The following RAB37 variants were observed in gnomAD, a reference collection of about 807,000 sequenced individuals.
The protein encoded by RAB37 is RAB37, member RAS oncogene family.
Under a neutral mutation model 33.1 loss-of-function variants are expected in RAB37, and 29 were observed. The observed-to-expected ratio is 0.88, with a 90% CI of 0.65 to 1.20. The LOEUF is 1.20. RAB37 is among the 50% of genes most tolerant of loss of function. RAB37 has a pLI of 0.00. For synonymous variants in RAB37, 128 were observed against 119.5 expected (o/e 1.07, Z -0.47); for missense variants, 299 against 301.1 (o/e 0.99, Z 0.05).
Position 74,745,457 on chromosome 17 carries a change from C to A in RAB37, c.*46C>A. ...GGCTCTGGAGGCACACAGGATGCAGCCTTCCCCCTCCCAGGCCTGGCTTAT... is the reference window on the plus strand; with the variant it reads ...GGCTCTGGAGGCACACAGGATGCAGACTTCCCCCTCCCAGGCCTGGCTTAT... On this transcript the variant is annotated 3_prime_UTR_variant, in exon 9 of 9. Transcript: ENST00000392613. This position sits in a 1 kb window ranked among gnomAD's most constrained non-coding sequence, Gnocchi z 4.5. 6.8e-7 allele frequency: 1 copy of A among 1,477,592 alleles called. No homozygotes were observed. The highest frequency in any genetic ancestry group is 9.5e-7 in the Non-Finnish European group (1 of 1,056,720). 91.5% of individuals were successfully genotyped at this position (1,477,592 alleles called of 1,614,324 possible).
At chr17:74,736,718 A>G (rs1390152889), upstream of RAB37, 28 of 1,535,632 alleles carry the variant, frequency 1.8e-5, no homozygotes, top group Non-Finnish European at 2.4e-5. Context: ...ACCGCAGCGT[A>G]CATGTGCTGC....
chr17:74,695,440 C>A (rs867882349), intron 1 of RAB37, among the ~76,000 whole-genome samples: 2 of 152,170 alleles, frequency 1.3e-5, no homozygotes, highest in Non-Finnish European at 2.9e-5. Flanking sequence ...GATTCTCCCC[C>A]AACCCTGCAC....
In RAB37 at chr17:74,744,914, A is replaced by G; in HGVS notation, c.474A>G (p.Gly158=). 6.2e-7 allele frequency: 1 copy of G among 1,614,274 alleles called. No homozygotes were observed. The highest frequency in any genetic ancestry group is 8.5e-7 in the Non-Finnish European group (1 of 1,180,050). ...SSERVIRSED[G]ETLAREYGVP... Reference sequence around the variant, plus strand: ...AAAGAGTGATCCGTTCCGAAGACGGAGAGACCTTGGCCAGGGTAAGTGATT... The same window carrying G: ...AAAGAGTGATCCGTTCCGAAGACGGGGAGACCTTGGCCAGGGTAAGTGATT... The change falls in exon 7 of 9, where the codon GGA becomes GGG. Residue 158 remains glycine, a synonymous_variant. Coordinates refer to ENST00000392613, the MANE Select transcript of RAB37 (RefSeq NM_001006638.3). The surrounding 1 kb of genome is among the most constrained non-coding windows in gnomAD (Gnocchi z 4.2).
At chr17:74,708,687 C>T (rs1201688172) in intron 1 of RAB37, among the ~76,000 whole-genome samples, 4 of 152,126 alleles carry the variant, frequency 2.6e-5, no homozygotes, top group Non-Finnish European at 5.9e-5. Context: ...GAGGCCAAGG[C>T]GGGCGGATCA....
At chr17:74,737,114 C>G (rs558750564), upstream of RAB37, 729 of 1,599,428 alleles carry the variant, frequency 4.6e-4, 5 homozygotes, top group East Asian at 0.014. Context: ...CAGGGAACAG[C>G]AAGGTCCGAG....
chr17:74,708,642 C>G (rs1035319771), intron 1 of RAB37, among the ~76,000 whole-genome samples: 10 of 152,210 alleles, frequency 6.6e-5, no homozygotes, highest in Admixed American at 1.3e-4. Context: ...GGAGGCTGGA[C>G]GCGGTGGCTT....
chr17:74,725,440 T>C (rs561164810), intron 1 of RAB37, among the ~76,000 whole-genome samples: 6 of 152,066 alleles, frequency 3.9e-5, no homozygotes, highest in African/African-American at 1.4e-4. Flanking sequence ...GTGCAGTCAG[T>C]CTACAGGAGG....
chr17:74,718,399 G>T (rs138711844), intron 1 of RAB37, among the ~76,000 whole-genome samples: 1 of 151,812 alleles, frequency 6.6e-6, no homozygotes, highest in Non-Finnish European at 1.5e-5. Context: ...TAGCAGCCGG[G>T]ACTAAGATAG....
chr17:74,712,710 G>A (rs994846431), intron 1 of RAB37: 33 of 1,065,462 alleles, frequency 3.1e-5, no homozygotes, highest in South Asian at 6.7e-5. Context: ...TGGATGAAAC[G>A]CACAAGGCTC....
At chr17:74,689,159 G>A (rs1284660041) in intron 1 of RAB37, among the ~76,000 whole-genome samples, 1 of 151,910 alleles carries the variant, frequency 6.6e-6, no homozygotes, top group African/African-American at 2.4e-5. Flanking sequence ...TTAACCAGGT[G>A]TGGGCGAGTG....
chr17:74,677,066 C>T (rs1294465004), intron 1 of RAB37, among the ~76,000 whole-genome samples: 2 of 152,084 alleles, frequency 1.3e-5, no homozygotes, highest in Non-Finnish European at 2.9e-5. Context: ...AGGAGAATCG[C>T]TTGAACCCAG....
At chr17:74,720,787 A>G (rs925900540) in intron 1 of RAB37, among the ~76,000 whole-genome samples, 3 of 151,558 alleles carry the variant, frequency 2.0e-5, no homozygotes, top group Admixed American at 2.0e-4. Flanking sequence ...CTCTCTTGGT[A>G]CCCGGGTTCT....
At chr17:74,672,915 G>A (rs560561950) in intron 1 of RAB37, 1 of 152,300 alleles carries the variant, frequency 6.6e-6, no homozygotes, top group South Asian at 2.1e-4. Context: ...AAGAAAATCA[G>A]CTATTGAAGG....
intron 1 of RAB37, among the ~76,000 whole-genome samples, chr17:74,708,147 CAA>C (rs373733638): frequency 7.0e-4 from 57 of 81,266 alleles, no homozygotes; most frequent in Non-Finnish European, 1.1e-3. Context: ...GACTCCATCT[CAA>C]AAAAAAAAAA....
At chr17:74,697,932 A>ATG (rs978136162) in intron 1 of RAB37, among the ~76,000 whole-genome samples, 8 of 152,164 alleles carry the variant, frequency 5.3e-5, no homozygotes, top group Admixed American at 2.0e-4. Context: ...ATGATCGCGC[A>ATG]TGTGTGTGTG....
intron 1 of RAB37, among the ~76,000 whole-genome samples, chr17:74,739,519 T>G (rs914200894): frequency 2.6e-4 from 39 of 149,352 alleles, no homozygotes; most frequent in African/African-American, 8.9e-4. Flanking sequence ...CCCTAATTCA[T>G]GCAACCTTTT....
At chr17:74,689,923 A>G (rs1311522073) in intron 1 of RAB37, among the ~76,000 whole-genome samples, 1 of 152,120 alleles carries the variant, frequency 6.6e-6, no homozygotes, top group African/African-American at 2.4e-5. Flanking sequence ...TAGTTCTCAA[A>G]AGGAGGCTGT....
At chr17:74,735,701 A>G (rs2034464750), upstream of RAB37, among the ~76,000 whole-genome samples, 2 of 152,174 alleles carry the variant, frequency 1.3e-5, no homozygotes, top group Admixed American at 1.3e-4. Context: ...AGGTTATAGC[A>G]CGCTCACCTC....
In RAB37 at chr17:74,730,786, G is replaced by A. The variant is rs1255861058; in HGVS notation, c.183+1420G>A. 1.3e-5 allele frequency among the ~76,000 whole-genome samples: 2 copies of A among 152,214 alleles called. No homozygotes were observed. Among genetic ancestry groups the A allele is most frequent in the African/African-American group, 4.8e-5 (2 of 41,446 alleles). ...GTCTGGTGAGGAAGGAAGAGAGTGG[G>A]GTGGATGTGGCTGTGGACATGCAAA... On this transcript the variant is annotated intron_variant, in intron 2 of 7. Transcript: ENST00000340415. This position sits in a 1 kb window ranked among gnomAD's most constrained non-coding sequence, Gnocchi z 4.4.
Sources: allele counts gnomAD v4.1 joint callset (sites outside exome capture counted in the v4.1 genomes callset), GRCh38; gene constraint gnomAD v4.1.1; non-coding constraint Gnocchi (gnomAD v3.1); transcripts MANE v1.5; gene names NCBI Gene and HGNC (gene_info 2026-07-23, HGNC 2026-07-21).